Variants in PREX2 observed in about 807,000 individuals in gnomAD.
PREX2 encodes the protein phosphatidylinositol 3,4,5-trisphosphate-dependent Rac exchanger 2 protein.
In PREX2, 107 loss-of-function variants were observed where a neutral mutation model predicts 203.2. The observed-to-expected ratio is 0.53, with a 90% CI of 0.45 to 0.62. The LOEUF (loss-of-function observed/expected upper bound fraction) is 0.62, where lower values mean the gene tolerates loss of function less well. Ranked by LOEUF, PREX2 falls within the 20% of genes least tolerant of loss-of-function variation. The pLI is 0.00. For synonymous variants in PREX2, 672 were observed against 663.6 expected (o/e 1.01, Z -0.19); for missense variants, 1,777 against 1,955.9 (o/e 0.91, Z 1.72).
At chr8:68,215,182 T>C (rs1812810143) in intron 37 of PREX2, among the ~76,000 whole-genome samples, 1 of 152,128 alleles carries the variant, frequency 6.6e-6, no homozygotes, top group South Asian at 2.1e-4. Flanking sequence ...TTACTACAAC[T>C]TGAGGTAGGG....
At chr8:68,060,007 C>G (rs1279321862) in intron 10 of PREX2, among the ~76,000 whole-genome samples, 2 of 152,178 alleles carry the variant, frequency 1.3e-5, no homozygotes, top group Non-Finnish European at 2.9e-5. Flanking sequence ...ATCAGGCCCA[C>G]TGGGATAATT....
Position 68,026,454 on chromosome 8 carries a change from AAAG to A in PREX2, c.442-764_442-762del, listed in dbSNP as rs1807716582. ...AGTTTGTCTGTTGTAGGCACTGCAG[AAAG>A]AAGGTTTGGGCAAGTTTCAAGTCTG... On this transcript the variant is annotated intron_variant, in intron 4 of 39. Coordinates refer to ENST00000288368, the MANE Select transcript of PREX2 (RefSeq NM_024870.4). Among the ~76,000 whole-genome samples, 3 of 152,228 alleles carry A rather than the reference AAAG, an allele frequency of 2.0e-5. No individual in the cohort carries two copies. The South Asian group carries it at 6.2e-4, about 32-fold the overall frequency.
chr8:68,148,090 T>C (rs113316513), intron 34 of PREX2, among the ~76,000 whole-genome samples: 15 of 152,054 alleles, frequency 9.9e-5, no homozygotes, highest in African/African-American at 3.4e-4. Context: ...CTACTAAAAA[T>C]ACAAAAATTA....
chr8:67,965,072 G>T (rs948491060), intron 1 of PREX2, among the ~76,000 whole-genome samples: 4 of 152,120 alleles, frequency 2.6e-5, no homozygotes, highest in African/African-American at 7.2e-5. Context: ...AAATCAGGAA[G>T]GAACAGTAGT....
intron 37 of PREX2, among the ~76,000 whole-genome samples, chr8:68,216,194 A>G (rs1812835404): frequency 6.6e-6 from 1 of 152,192 alleles, no homozygotes; most frequent in African/African-American, 2.4e-5. Context: ...TTTCTTAATT[A>G]TCAGTATCAA....
chr8:68,104,366 C>T (rs974891196), intron 23 of PREX2, among the ~76,000 whole-genome samples: 1 of 152,176 alleles, frequency 6.6e-6, no homozygotes, highest in Non-Finnish European at 1.5e-5. Flanking sequence ...AATCCTGCCT[C>T]CTCTGCCTCC....
chr8:67,977,436 C>T (rs1355785457), intron 1 of PREX2, among the ~76,000 whole-genome samples: 4 of 152,152 alleles, frequency 2.6e-5, no homozygotes, highest in African/African-American at 9.7e-5. Context: ...TAATAAATTT[C>T]ACCAGTTAAA....
intron 33 of PREX2, among the ~76,000 whole-genome samples, chr8:68,143,319 G>T (rs1811262770): frequency 6.6e-6 from 1 of 152,026 alleles, no homozygotes; most frequent in Admixed American, 6.6e-5. Flanking sequence ...TTGTTTAAAA[G>T]TGTGTAGCAT....
chr8:67,999,478 C>CAAAAAAAAAAAAAAAAAAAAAAAAAAA lies in PREX2; in HGVS notation c.142-18351_142-18350insAAAAAAAAAAAAAAAAAAAAAAAAAAA, dbSNP rs58916146. Among the ~76,000 whole-genome samples the CAAAAAAAAAAAAAAAAAAAAAAAAAAA allele has an allele frequency of 2.2e-5, 2 of 92,092 alleles. 1 individual carries two copies. The highest frequency in any genetic ancestry group is 4.3e-5 in the Non-Finnish European group (2 of 46,528). The allele number at this position is 92,092 out of a possible 152,430, so 60.4% of individuals were successfully genotyped here. ...AATCAGTAATAAATAGCCAACAAAC[C>CAAAAAAAAAAAAAAAAAAAAAAAAAAA]AAAAAAAAAAAAAAAAAGCCCAGAA... On this transcript the variant is annotated intron_variant, in intron 1 of 39. Transcript: ENST00000288368.
At chr8:67,954,849 A>AAACAAAATG (rs1341132722) in intron 1 of PREX2, among the ~76,000 whole-genome samples, 1 of 152,184 alleles carries the variant, frequency 6.6e-6, no homozygotes, top group Non-Finnish European at 1.5e-5. Flanking sequence ...ATAAATAAGC[A>AAACAAAATG]AACAAAATGG....
At chr8:68,153,255 T>C (rs1023365922) in intron 34 of PREX2, among the ~76,000 whole-genome samples, 1 of 152,198 alleles carries the variant, frequency 6.6e-6, no homozygotes, top group Non-Finnish European at 1.5e-5. Context: ...AAAGAGAATG[T>C]TAGCAGACTG....
intron 14 of PREX2, among the ~76,000 whole-genome samples, chr8:68,074,911 G>A (rs1332496751): frequency 6.6e-6 from 1 of 152,162 alleles, no homozygotes; most frequent in African/African-American, 2.4e-5. Flanking sequence ...TGAGTGTTGT[G>A]TTCTTCTGAG....
intron 5 of PREX2, 51 bp downstream of exon 5, chr8:68,027,374 T>C (rs767113222): frequency 1.8e-6 from 2 of 1,130,878 alleles, no homozygotes; most frequent in Non-Finnish European, 1.3e-6. Flanking sequence ...CTACATATTT[T>C]GCTGATGATC....
chr8:68,219,511 A>G (rs1812911937), intron 38 of PREX2, among the ~76,000 whole-genome samples: 1 of 152,224 alleles, frequency 6.6e-6, no homozygotes, highest in African/African-American at 2.4e-5. Flanking sequence ...TTGTCAGTAT[A>G]TATCACTTGT....
At chr8:68,170,437 C>T (rs1003947359) in intron 35 of PREX2, among the ~76,000 whole-genome samples, 1 of 152,238 alleles carries the variant, frequency 6.6e-6, no homozygotes, top group African/African-American at 2.4e-5. Flanking sequence ...TTCCCCCGGT[C>T]TCCTGTGGAA....
chr8:68,064,496 G>A (rs916346243), intron 11 of PREX2, among the ~76,000 whole-genome samples: 5 of 151,318 alleles, frequency 3.3e-5, no homozygotes, highest in Admixed American at 2.0e-4. Context: ...AGCCTTGTGA[G>A]TAGTTGGGAC....
At chr8:68,171,698 C>T (rs889363931) in intron 35 of PREX2, among the ~76,000 whole-genome samples, 1 of 152,086 alleles carries the variant, frequency 6.6e-6, no homozygotes, top group Non-Finnish European at 1.5e-5. Flanking sequence ...GTGTCACATC[C>T]CTTGTCTGAC....
intron 35 of PREX2, among the ~76,000 whole-genome samples, chr8:68,169,424 G>A (rs1291712051): frequency 1.3e-5 from 2 of 151,990 alleles, no homozygotes; most frequent in African/African-American, 4.8e-5. Context: ...CTCCATAATT[G>A]GAGATGGAAC....
At chr8:68,025,440 CTT>C (rs771004336) in intron 4 of PREX2, among the ~76,000 whole-genome samples, 1 of 151,704 alleles carries the variant, frequency 6.6e-6, no homozygotes, top group Non-Finnish European at 1.5e-5. Flanking sequence ...TAGATTTTCT[CTT>C]TGTGTTTTTC....
Sources: allele counts gnomAD v4.1 joint callset (sites outside exome capture counted in the v4.1 genomes callset), GRCh38; gene constraint gnomAD v4.1.1; transcripts MANE v1.5; gene names NCBI Gene and HGNC (gene_info 2026-07-23, HGNC 2026-07-21).